Variants in QRICH2 observed in about 807,000 individuals in gnomAD.
The protein encoded by QRICH2 is glutamine rich 2.
QRICH2 carries 119 observed loss-of-function variants against 168.3 expected under a neutral mutation model. The ratio of observed to expected loss-of-function variants is 0.71; its 90% CI spans 0.61 to 0.82. The LOEUF is 0.82. QRICH2 is among the 40% of genes least tolerant of loss of function. The pLI, the probability that QRICH2 is intolerant of heterozygous loss-of-function variation, is 0.00. For synonymous variants in QRICH2, 894 were observed against 951.2 expected, an observed-to-expected ratio of 0.94 and a Z score of 1.11; for missense variants, 2,241 against 2,491.6, an observed-to-expected ratio of 0.90 and a Z score of 2.14.
chr17:76,307,688 T>C lies in QRICH2; in HGVS notation c.311A>G (p.Lys104Arg), dbSNP rs1173348866. The C allele has an allele frequency of 3.5e-6, 5 of 1,448,682 alleles. No homozygotes were observed. The highest frequency in any genetic ancestry group is 4.5e-6 in the Non-Finnish European group (5 of 1,099,818). 89.7% of individuals were successfully genotyped at this position (1,448,682 alleles called of 1,614,324 possible). A position where few individuals can be genotyped will look rare whatever the true frequency, so the allele number is the denominator to read the frequency against. ...GTCCTCCACCTGGCCGCCCAGGTCC[T>C]TCACTTGGCTCTCCAGCGCTGACGA... ...APSSALESQV[K>R]DLGGQVEDLS... Residue 104 changes from lysine (K) to arginine (R), a missense_variant, in exon 1 of 19, where the codon AAG (lysine) becomes AGG (arginine). By Grantham distance (26) the Lys-to-Arg change is conservative. Coordinates refer to ENST00000680821, the MANE Select transcript of QRICH2 (RefSeq NM_001388453.1). The surrounding 1 kb of genome is among the most constrained non-coding windows in gnomAD (Gnocchi z 5.3).
At position 76,281,190 on chromosome 17, in the gene QRICH2, T is replaced by G. The variant is rs2070782412; in HGVS notation, c.4264-237A>C. The stretch of plus-strand genomic sequence containing the variant: ...TAGGGAGACCCTGTCTCAAAAACAA[T>G]GGAAAACAATTTTCCACTAACAGTG... On this transcript the variant is annotated intron_variant, in intron 8 of 18. Coordinates refer to ENST00000680821, the MANE Select transcript of QRICH2 (RefSeq NM_001388453.1). This position sits in a 1 kb window ranked among gnomAD's most constrained non-coding sequence, Gnocchi z 4.4. 6.6e-6 allele frequency among the ~76,000 whole-genome samples: 1 copy of G among 152,092 alleles called. No homozygotes were observed. Among genetic ancestry groups the G allele is most frequent in the Non-Finnish European group, 1.5e-5 (1 of 67,996 alleles).
intron 15 of QRICH2, 71 bp downstream of exon 15, chr17:76,277,918 C>T: frequency 1.3e-6 from 2 of 1,527,744 alleles, no homozygotes; most frequent in Non-Finnish European, 1.8e-6. Context: ...ATTTGCACAG[C>T]CGTGCACGAG....
intron 4 of QRICH2, among the ~76,000 whole-genome samples, chr17:76,290,431 G>C (rs1427110298): frequency 6.6e-6 from 1 of 152,136 alleles, no homozygotes; most frequent in Non-Finnish European, 1.5e-5. Context: ...ACCCAGGCTG[G>C]AGTGCAGTGA....
intron 16 of QRICH2, among the ~76,000 whole-genome samples, 177 bp downstream of exon 16, chr17:76,276,986 C>T (rs1359151176): frequency 5.3e-5 from 8 of 152,172 alleles, no homozygotes; most frequent in African/African-American, 1.7e-4. Flanking sequence ...GGCAGGTGGC[C>T]GGGGTGAATC....
rs2070725445 is a variant in QRICH2, at chr17:76,278,207, A to G, written c.4917-18T>C. On this transcript the variant is annotated intron_variant, in intron 14 of 18. Coordinates refer to ENST00000680821, the MANE Select transcript of QRICH2 (RefSeq NM_001388453.1). The stretch of plus-strand genomic sequence containing the variant: ...GCTTGAGGCTGCAGGGTGTGAGCAG[A>G]ACAGAGGGAGGGTTGGCCCATGGCG... 1 of 1,600,116 alleles carries G rather than the reference A, an allele frequency of 6.2e-7. No individual in the cohort carries two copies. The highest frequency in any genetic ancestry group is 1.3e-5 in the African/African-American group (1 of 74,900).
rs1464090916 is a variant in QRICH2, at chr17:76,280,908, G to A, written c.4309C>T (p.Gln1437Ter). Residue 1437 changes from glutamine to a stop codon, truncating the protein, a stop_gained, in exon 9 of 19, where the codon CAG (glutamine) becomes TAG (stop). Transcript: ENST00000680821. LOFTEE classifies it high-confidence loss of function. This position sits in a 1 kb window ranked among gnomAD's most constrained non-coding sequence, Gnocchi z 7.4. ...GRVQSAILQV[Q>*]GDCEKLNITT... Reference sequence around the variant, plus strand: ...ATGTTGAGCTTCTCGCAGTCACCCTGCACCTGCAGGATGGCACTCTGCACA... The same window carrying A: ...ATGTTGAGCTTCTCGCAGTCACCCTACACCTGCAGGATGGCACTCTGCACA... The A allele has an allele frequency of 1.2e-6, 2 of 1,612,758 alleles. No individual in the cohort carries two copies. Among genetic ancestry groups the A allele is most frequent in the South Asian group, 2.2e-5 (2 of 91,086 alleles).
upstream of QRICH2, chr17:76,308,329 C>G (rs12232482): frequency 0.049 from 48,366 of 985,336 alleles, 4,510 homozygotes; most frequent in African/African-American, 0.38. Flanking sequence ...AACACGCCTC[C>G]CTGCGAGCCA....
At chr17:76,290,812 T>G (rs995149310) in intron 4 of QRICH2, among the ~76,000 whole-genome samples, 3 of 152,074 alleles carry the variant, frequency 2.0e-5, no homozygotes, top group Non-Finnish European at 4.4e-5. Context: ...CCCGCTCCAC[T>G]CCTCTCCTGG....
chr17:76,299,997 A>AT (rs2070870971), intron 3 of QRICH2, among the ~76,000 whole-genome samples: 1 of 151,540 alleles, frequency 6.6e-6, no homozygotes, highest in Non-Finnish European at 1.5e-5. Flanking sequence ...CGCCCAGCTA[A>AT]CTTTTTGTAT....
chr17:76,274,963 T>C (rs972556686), intron 18 of QRICH2, among the ~76,000 whole-genome samples: 8 of 152,194 alleles, frequency 5.3e-5, no homozygotes, highest in African/African-American at 1.9e-4. Context: ...CCCTGGATGA[T>C]GCTGAGGAGC....
intron 5 of QRICH2, among the ~76,000 whole-genome samples, chr17:76,289,685 C>T (rs1324523064): frequency 1.3e-5 from 2 of 151,986 alleles, no homozygotes; most frequent in African/African-American, 2.4e-5. Context: ...CGCCTGTAAT[C>T]CCAGCACTTT....
chr17:76,290,824 G>C (rs1022615605), intron 4 of QRICH2, among the ~76,000 whole-genome samples, 191 bp downstream of exon 4: 5 of 152,136 alleles, frequency 3.3e-5, no homozygotes, highest in Admixed American at 6.6e-5. Context: ...CTCTCCTGGG[G>C]CTTAGTTCTC....
rs115036941 is a variant in QRICH2, at chr17:76,276,914, G to A, written c.5266-147C>T. On this transcript the variant is annotated intron_variant, in intron 16 of 18. Coordinates refer to ENST00000680821, the MANE Select transcript of QRICH2 (RefSeq NM_001388453.1). ...CACTAGGGTGGAGCGAGAAGGTGGA[G>A]GGAGGTGAAACAGTATCTGGGCCAC... 397 of 739,532 alleles carry A rather than the reference G, an allele frequency of 5.4e-4. 2 individuals are homozygous for A. The African/African-American group carries it at 6.1e-3, about 11-fold the overall frequency. 45.8% of individuals were successfully genotyped at this position (739,532 alleles called of 1,614,324 possible). A position where few individuals can be genotyped will look rare whatever the true frequency, so the allele number is the denominator to read the frequency against.
chr17:76,295,347 T>C (rs1392746259), intron 3 of QRICH2, among the ~76,000 whole-genome samples: 2 of 152,156 alleles, frequency 1.3e-5, no homozygotes, highest in African/African-American at 4.8e-5. Context: ...CTGGAATGCA[T>C]GTAAACCATA....
chr17:76,282,685 T>C lies in QRICH2; in HGVS notation c.4012-570A>G, dbSNP rs536456589. ...AGGGCAAGTGCCTTGAAGGCTGCCC[T>C]GGTGTTCTCCTCTGCATCCCGCAGG... On this transcript the variant is annotated intron_variant, in intron 7 of 18. Transcript: ENST00000680821. 9.8e-5 allele frequency among the ~76,000 whole-genome samples: 15 copies of C among 152,320 alleles called. No homozygotes were observed. In the East Asian group the frequency reaches 2.9e-3, roughly 29 times the overall value.
Position 76,280,022 on chromosome 17 carries a change from C to A in QRICH2, c.4748+11G>T. 1 of 1,601,710 alleles carries A rather than the reference C, an allele frequency of 6.2e-7. No individual in the cohort carries two copies. The highest frequency in any genetic ancestry group is 1.1e-5 in the South Asian group (1 of 89,204). On this transcript the variant is annotated intron_variant, in intron 12 of 18. Coordinates refer to ENST00000680821, the MANE Select transcript of QRICH2 (RefSeq NM_001388453.1). This position sits in a 1 kb window ranked among gnomAD's most constrained non-coding sequence, Gnocchi z 7.4. Reference sequence around the variant, plus strand: ...GCGTGCCAGCCTCCTCCCCTGCCTCCCAGGCCTCACCTCCGCATGGCAGCC... The same window carrying A: ...GCGTGCCAGCCTCCTCCCCTGCCTCACAGGCCTCACCTCCGCATGGCAGCC...
upstream of QRICH2, chr17:76,308,490 G>A (rs2071025100): frequency 1.0e-6 from 1 of 985,270 alleles, no homozygotes; most frequent in African/African-American, 1.7e-5. Context: ...GGCCACATAA[G>A]GAAAGACTTG....
intron 5 of QRICH2, 48 bp from the exon 6 acceptor site, chr17:76,287,945 T>C: frequency 1.4e-6 from 2 of 1,455,794 alleles, no homozygotes; most frequent in Non-Finnish European, 1.9e-6. Context: ...GAGCTCCCGC[T>C]TCCCAAGTGT....
chr17:76,296,220 C>G (rs558617129), intron 3 of QRICH2, among the ~76,000 whole-genome samples: 2 of 152,216 alleles, frequency 1.3e-5, no homozygotes, highest in African/African-American at 4.8e-5. Flanking sequence ...GAGACTCTAT[C>G]TCAAAAAAAC....
Sources: allele counts gnomAD v4.1 joint callset (sites outside exome capture counted in the v4.1 genomes callset), GRCh38; gene constraint gnomAD v4.1.1; non-coding constraint Gnocchi (gnomAD v3.1); transcripts MANE v1.5; gene names NCBI Gene and HGNC (gene_info 2026-07-23, HGNC 2026-07-21).